Variants in MS4A2 observed in about 807,000 individuals in gnomAD.
MS4A2 encodes high affinity immunoglobulin epsilon receptor subunit beta.
Under a neutral mutation model 27.9 loss-of-function variants are expected in MS4A2, and 26 were observed. The observed-to-expected ratio is 0.93, with a 90% CI of 0.68 to 1.29. MS4A2 has a LOEUF of 1.29. MS4A2 is among the 50% of genes most tolerant of loss of function. MS4A2 has a pLI of 0.00. For synonymous variants in MS4A2, 110 were observed against 98.8 expected, an observed-to-expected ratio of 1.11 and a Z score of -0.67; for missense variants, 284 against 284.6, an observed-to-expected ratio of 1.00 and a Z score of 0.01.
intron 6 of MS4A2, among the ~76,000 whole-genome samples, chr11:60,095,216 C>T (rs961111091): frequency 1.3e-5 from 2 of 152,000 alleles, no homozygotes; most frequent in Non-Finnish European, 2.9e-5. Context: ...GAGCCAAGAT[C>T]GTGGCCACTG....
intron 3 of MS4A2, among the ~76,000 whole-genome samples, chr11:60,091,115 C>A (rs889375014): frequency 6.6e-6 from 1 of 152,128 alleles, no homozygotes; most frequent in Non-Finnish European, 1.5e-5. Context: ...TGTGCCATTG[C>A]ACTCCAGCCT....
chr11:60,092,335 G>A lies in MS4A2; in HGVS notation c.322-457G>A, dbSNP rs188358651. 5.9e-3 allele frequency among the ~76,000 whole-genome samples: 865 copies of A among 145,670 alleles called. 3 individuals carry two copies. Among genetic ancestry groups the A allele is most frequent in the Middle Eastern group, 0.021 (6 of 280 alleles). On this transcript the variant is annotated intron_variant, in intron 3 of 6. Coordinates refer to ENST00000278888, the MANE Select transcript of MS4A2 (RefSeq NM_000139.5). ...TTTTAGATGGAGTCTCACTCTTGTC[G>A]CCCAGGCTGGAGTGCAATGGCATGA... is the stretch of plus-strand genomic sequence containing the variant.
intron 3 of MS4A2, among the ~76,000 whole-genome samples, chr11:60,092,008 G>GA (rs1855767799): frequency 6.6e-6 from 1 of 152,138 alleles, no homozygotes; most frequent in African/African-American, 2.4e-5. Flanking sequence ...ATATTCACAT[G>GA]ATATATGTCA....
At chr11:60,088,587 T>C, upstream of MS4A2, 2 of 1,441,942 alleles carry the variant, frequency 1.4e-6, no homozygotes, top group Non-Finnish European at 1.8e-6. Flanking sequence ...TAAAAGCCTG[T>C]TGATCTTAAT....
rs1480421087 is a variant in MS4A2, at chr11:60,088,799, G to A, written c.34G>A (p.Ala12Thr). The stretch of plus-strand genomic sequence containing the variant: ...AGAAAGTAATAGGAGAGCAAATCTT[G>A]CTCTCCCACAGGAGCCTTCCAGGTA... ...DTESNRRANL[A>T]LPQEPSSVPA... Residue 12 changes from alanine (A) to threonine (T), a missense_variant, in exon 1 of 7, where the codon GCT (alanine) becomes ACT (threonine). By Grantham distance (58) the Ala-to-Thr change is moderately conservative. Coordinates refer to ENST00000278888, the MANE Select transcript of MS4A2 (RefSeq NM_000139.5). 8 of 1,611,928 alleles carry A rather than the reference G, an allele frequency of 5.0e-6. No homozygotes were observed. The highest frequency in any genetic ancestry group is 6.8e-6 in the Non-Finnish European group (8 of 1,178,864).
At chr11:60,094,723 C>T (rs551958856) in intron 6 of MS4A2, among the ~76,000 whole-genome samples, 2 of 152,256 alleles carry the variant, frequency 1.3e-5, no homozygotes, top group African/African-American at 2.4e-5. Context: ...CTGAGGAGGG[C>T]GGATCACTTG....
chr11:60,094,039 G>T lies in MS4A2; in HGVS notation c.613G>T (p.Gly205Trp). Residue 205 changes from glycine (G) to tryptophan (W), a missense_variant, in exon 6 of 7, where the codon GGG becomes TGG. Physicochemically the swap from Gly to Trp is radical, Grantham distance 184. Transcript: ENST00000278888. ...SAVSLTICGA[G>W]EELKGNKVPE... ...TGTGTCACTCACAATCTGTGGAGCT[G>T]GGGAAGAACTCAAAGGAAACAAGGT... 1 of 1,613,676 alleles carries T rather than the reference G, an allele frequency of 6.2e-7. No individual in the cohort carries two copies. Among genetic ancestry groups the T allele is most frequent in the Non-Finnish European group, 8.5e-7 (1 of 1,179,616 alleles).
chr11:60,089,920 T>C (rs1855726723), intron 2 of MS4A2, 99 bp downstream of exon 2: 1 of 1,473,850 alleles, frequency 6.8e-7, no homozygotes, highest in Admixed American at 2.0e-5. Flanking sequence ...TCATGAGAGG[T>C]GTTAGGTCCT....
In MS4A2 at chr11:60,097,071, G is replaced by T. The variant is rs1855882567; in HGVS notation, c.*1415G>T. ...CTGGTAAAGATAAAATTTGATACAG[G>T]TTTGGTGTCATTATAAGAGAAATCA... On this transcript the variant is annotated 3_prime_UTR_variant, in exon 7 of 7. Coordinates refer to ENST00000278888, the MANE Select transcript of MS4A2 (RefSeq NM_000139.5). 6.6e-6 allele frequency: 1 copy of T among 151,918 alleles called. No individual in the cohort carries two copies. The highest frequency in any genetic ancestry group is 2.4e-5 in the African/African-American group (1 of 41,348). 9.4% of individuals were successfully genotyped at this position (151,918 alleles called of 1,614,324 possible). A position where few individuals can be genotyped will look rare whatever the true frequency, so the allele number is the denominator to read the frequency against.
intron 6 of MS4A2, among the ~76,000 whole-genome samples, chr11:60,094,701 C>A (rs1855835164): frequency 6.6e-6 from 1 of 152,208 alleles, no homozygotes; most frequent in Non-Finnish European, 1.5e-5. Flanking sequence ...GTAATCTCAG[C>A]ACTTTGTGAG....
intron 3 of MS4A2, among the ~76,000 whole-genome samples, chr11:60,092,243 C>T (rs775879221): frequency 2.6e-5 from 4 of 151,802 alleles, no homozygotes; most frequent in Non-Finnish European, 5.9e-5. Flanking sequence ...CCATCCAGGA[C>T]CTAATGAATA....
chr11:60,095,851 T>C lies in MS4A2; in HGVS notation c.*195T>C. On this transcript the variant is annotated 3_prime_UTR_variant, in exon 7 of 7. Coordinates refer to ENST00000278888, the MANE Select transcript of MS4A2 (RefSeq NM_000139.5). The stretch of plus-strand genomic sequence containing the variant: ...ATTCTCCTTCTATTTGTAGATATGA[T>C]AGACTCCTATTTTTCTTGTTTTATA... 2 of 592,620 alleles carry C rather than the reference T, an allele frequency of 3.4e-6. No individual in the cohort carries two copies. Among genetic ancestry groups the C allele is most frequent in the Non-Finnish European group, 6.0e-6 (2 of 333,736 alleles). 36.7% of individuals were successfully genotyped at this position (592,620 alleles called of 1,614,324 possible).
In MS4A2 at chr11:60,094,495, GACT is replaced by G. The variant is rs146600518; in HGVS notation, c.636+436_636+438del. The stretch of plus-strand genomic sequence containing the variant: ...CAGTTTTCTTTCCTTTCTGATTCAT[GACT>G]ACCAAATGTTTCCACTTGCCTCACC... On this transcript the variant is annotated intron_variant, in intron 6 of 6. Coordinates refer to ENST00000278888, the MANE Select transcript of MS4A2 (RefSeq NM_000139.5). Among the ~76,000 whole-genome samples, 1,394 of 152,222 alleles carry G rather than the reference GACT, an allele frequency of 9.2e-3. 22 individuals are homozygous for G. The highest frequency in any genetic ancestry group is 0.032 in the African/African-American group (1,326 of 41,506).
In MS4A2 at chr11:60,095,472, A is replaced by C. The variant is rs1410715544; in HGVS notation, c.637-86A>C. 3.6e-6 allele frequency: 3 copies of C among 835,618 alleles called. No homozygotes were observed. In the East Asian group the frequency reaches 7.5e-5, roughly 21 times the overall value. 51.8% of individuals were successfully genotyped at this position (835,618 alleles called of 1,614,324 possible). ...GAGAGCGTGAGACCCAGAAAGACAA[A>C]AGTAGATGAGGTAAGTCTCTTGAGC... On this transcript the variant is annotated intron_variant, in intron 6 of 6. Coordinates refer to ENST00000278888, the MANE Select transcript of MS4A2 (RefSeq NM_000139.5).
At chr11:60,093,804 G>GTA in intron 5 of MS4A2, 160 bp from the exon 6 acceptor site, 1 of 117,100 alleles carries the variant, frequency 8.5e-6, no homozygotes, top group South Asian at 1.5e-4. Context: ...GCCTGTGTTT[G>GTA]TGTGTGTGTG....
rs746720632 is a variant in MS4A2, at chr11:60,090,403, T to C, written c.254T>C (p.Ile85Thr). Residue 85 changes from isoleucine to threonine, a missense_variant, in exon 3 of 7, where the codon ATT (isoleucine) becomes ACT (threonine). Coordinates refer to ENST00000278888, the MANE Select transcript of MS4A2 (RefSeq NM_000139.5). The part of the protein sequence containing the change: ...FGTVVCSVLD[I>T]SHIEGDIFSS... ...ACAGTTGTCTGCTCTGTACTTGATA[T>C]TTCACACATTGAGGGAGACATTTTT... The C allele has an allele frequency of 1.2e-6, 2 of 1,613,548 alleles. No homozygotes were observed. The highest frequency in any genetic ancestry group is 3.3e-5 in the Admixed American group (2 of 60,022).
rs1026434074 is a variant in MS4A2 at position 60,097,513 on chromosome 11, G to C, written c.*1857G>C. On this transcript the variant is annotated 3_prime_UTR_variant, in exon 7 of 7. Transcript: ENST00000278888. ...TTAGAGAAAGAGAATGGGAGCATAT[G>C]TGAGAAATAAGATAGTTGATTATGA... 6.6e-6 allele frequency: 1 copy of C among 152,244 alleles called. No individual in the cohort carries two copies. Among genetic ancestry groups the C allele is most frequent in the Admixed American group, 6.5e-5 (1 of 15,288 alleles). The allele number at this position is 152,244 out of a possible 1,614,324, so 9.4% of individuals were successfully genotyped here.
At position 60,095,671 on chromosome 11, in the gene MS4A2, G is replaced by A. The variant is rs375871247; in HGVS notation, c.*15G>A. On this transcript the variant is annotated 3_prime_UTR_variant, in exon 7 of 7. Transcript: ENST00000278888. ...TTGATTTATAAGAATCACGTGTCCA[G>A]AACACTCTGATTCACAGCCAAGGAT... 6.5e-5 allele frequency: 100 copies of A among 1,545,646 alleles called. 1 individual carries two copies. The African/African-American group carries it at 9.4e-4, about 15-fold the overall frequency.
At position 60,090,411 on chromosome 11, in the gene MS4A2, A is replaced by G. The variant is rs1405540527; in HGVS notation, c.262A>G (p.Ile88Val). 1 of 1,613,474 alleles carries G rather than the reference A, an allele frequency of 6.2e-7. No individual in the cohort carries two copies. Among genetic ancestry groups the G allele is most frequent in the Non-Finnish European group, 8.5e-7 (1 of 1,179,848 alleles). ...VVCSVLDISH[I>V]EGDIFSSFKA... ...CTGCTCTGTACTTGATATTTCACAC[A>G]TTGAGGGAGACATTTTTTCATCATT... Residue 88 changes from isoleucine to valine, a missense_variant, in exon 3 of 7, where the codon ATT (isoleucine) becomes GTT (valine). Ile to Val is a conservative substitution (Grantham distance 29, BLOSUM62 3). Transcript: ENST00000278888.
Sources: gnomAD v4.1 joint callset for allele counts (sites outside exome capture counted in the v4.1 genomes callset) on GRCh38, gnomAD v4.1.1 for gene constraint, MANE v1.5 for transcripts, NCBI Gene and HGNC (gene_info 2026-07-23, HGNC 2026-07-21) for gene names.